Variants in CLEC1A observed in about 807,000 individuals in gnomAD.
The protein encoded by CLEC1A is C-type lectin domain family 1 member A, also known as C-type lectin-like receptor-1.
A neutral mutation model predicts 28.7 loss-of-function variants in CLEC1A; 34 were observed. The ratio of observed to expected loss-of-function variants is 1.18; its 90% CI spans 0.90 to 1.57. CLEC1A has a LOEUF of 1.57. Ranked by LOEUF, CLEC1A falls within the 40% of genes most tolerant of loss-of-function variation. The pLI is 0.00. For synonymous variants in CLEC1A, 116 were observed against 121.0 expected (o/e 0.96, Z 0.27); for missense variants, 385 against 339.5 (o/e 1.13, Z -1.05).
rs953547028 is a variant in CLEC1A at position 10,098,848 on chromosome 12, T to C, written c.75A>G (p.Gln25=). The change falls in exon 1 of 6, where the codon CAA becomes CAG. Residue 25 remains glutamine (Q), a synonymous_variant. Coordinates refer to ENST00000315330, the MANE Select transcript of CLEC1A (RefSeq NM_016511.4). Reference sequence around the variant, plus strand: ...CTGGATGCCGAGTTGTGGCAGAGCCTTGAGAATGCAGGCTCATGGTGGTGT... The same window carrying C: ...CTGGATGCCGAGTTGTGGCAGAGCCCTGAGAATGCAGGCTCATGGTGGTGT... ...DGDTTMSLHS[Q]GSATTRHPEP... The C allele has an allele frequency of 1.2e-6, 2 of 1,613,524 alleles. No homozygotes were observed.
Position 10,093,373 on chromosome 12 carries a change from G to GAAAAAA in CLEC1A, c.116-4157_116-4152dup, listed in dbSNP as rs3052137. Among the ~76,000 whole-genome samples the GAAAAAA allele has an allele frequency of 4.7e-4, 61 of 130,708 alleles. 1 individual carries two copies. Among genetic ancestry groups the GAAAAAA allele is most frequent in the Non-Finnish European group, 6.9e-4 (43 of 62,714 alleles). The allele number at this position is 130,708 out of a possible 152,430, so 85.7% of individuals were successfully genotyped here. A position where few individuals can be genotyped will look rare whatever the true frequency, so the allele number is the denominator to read the frequency against. The stretch of plus-strand genomic sequence containing the variant: ...CCCTAGGAATAATAAGATATATATA[G>GAAAAAA]AAAAAAAAAAAAAACCTTTCCTGTA... On this transcript the variant is annotated intron_variant, in intron 1 of 5. Transcript: ENST00000315330.
chr12:10,098,081 C>A (rs1591926612), intron 1 of CLEC1A, among the ~76,000 whole-genome samples: 1 of 150,490 alleles, frequency 6.6e-6, no homozygotes, highest in Non-Finnish European at 1.5e-5. Flanking sequence ...AAAGGTATAT[C>A]CAGATTTACA....
At chr12:10,083,239 T>C (rs1437071491) in intron 2 of CLEC1A, among the ~76,000 whole-genome samples, 3 of 152,166 alleles carry the variant, frequency 2.0e-5, no homozygotes, top group Admixed American at 6.5e-5. Context: ...ATCTTTTCAC[T>C]GAAATACCCA....
intron 3 of CLEC1A, among the ~76,000 whole-genome samples, chr12:10,079,626 C>T (rs1009804915): frequency 6.6e-6 from 1 of 151,824 alleles, no homozygotes; most frequent in African/African-American, 2.4e-5. Flanking sequence ...TCAAGACCAG[C>T]CTGGGCAACA....
chr12:10,093,514 G>T (rs1411707461), intron 1 of CLEC1A, among the ~76,000 whole-genome samples: 1 of 151,796 alleles, frequency 6.6e-6, no homozygotes, highest in Non-Finnish European at 1.5e-5. Context: ...GACTTAACCA[G>T]TTACCCTTCA....
At chr12:10,097,544 T>C (rs1352487729) in intron 1 of CLEC1A, among the ~76,000 whole-genome samples, 2 of 152,202 alleles carry the variant, frequency 1.3e-5, no homozygotes, top group Non-Finnish European at 2.9e-5. Context: ...TTCTACTGTT[T>C]CAATATCCAT....
intron 2 of CLEC1A, among the ~76,000 whole-genome samples, chr12:10,082,333 T>C (rs1866389894): frequency 6.6e-6 from 1 of 152,006 alleles, no homozygotes; most frequent in South Asian, 2.1e-4. Flanking sequence ...ATAAACTTCG[T>C]GGTGTTGGTG....
intron 1 of CLEC1A, among the ~76,000 whole-genome samples, chr12:10,093,885 A>T (rs7976945): frequency 0.76 from 114,914 of 151,982 alleles, 45,203 homozygotes; most frequent in Non-Finnish European, 0.88. Context: ...TCCTCATGGG[A>T]ATCTGAGTTC....
intron 2 of CLEC1A, among the ~76,000 whole-genome samples, chr12:10,087,912 T>C (rs1256600142): frequency 1.3e-5 from 2 of 152,058 alleles, no homozygotes; most frequent in Non-Finnish European, 2.9e-5. Flanking sequence ...GTTCCTAACT[T>C]CAGGAATAAA....
At chr12:10,096,500 T>C (rs1273050796) in intron 1 of CLEC1A, among the ~76,000 whole-genome samples, 1 of 152,158 alleles carries the variant, frequency 6.6e-6, no homozygotes, top group African/African-American at 2.4e-5. Flanking sequence ...ACCTTCAACT[T>C]ATCATTTCCA....
chr12:10,074,142 C>T (rs893775035), intron 4 of CLEC1A, among the ~76,000 whole-genome samples: 1 of 152,092 alleles, frequency 6.6e-6, no homozygotes, highest in Non-Finnish European at 1.5e-5. Flanking sequence ...GCAGCCTCAA[C>T]CTCCCCAGGC....
At chr12:10,090,115 G>C (rs1424101233) in intron 1 of CLEC1A, among the ~76,000 whole-genome samples, 7 of 152,156 alleles carry the variant, frequency 4.6e-5, no homozygotes, top group African/African-American at 1.4e-4. Context: ...AACAAAGAGA[G>C]AGTGAAACCC....
At chr12:10,088,345 C>T (rs2401614) in intron 2 of CLEC1A, among the ~76,000 whole-genome samples, 127,172 of 152,042 alleles carry the variant, frequency 0.84, 54,419 homozygotes, top group African/African-American at 0.9. Flanking sequence ...AAATATAAGA[C>T]ACAAACAGAA....
chr12:10,077,295 A>G (rs1413266391), intron 3 of CLEC1A, among the ~76,000 whole-genome samples: 1 of 152,196 alleles, frequency 6.6e-6, no homozygotes, highest in Non-Finnish European at 1.5e-5. Context: ...AGATTAGAAG[A>G]AATTCATTTC....
intron 1 of CLEC1A, among the ~76,000 whole-genome samples, chr12:10,098,576 T>C (rs987678815): frequency 2.0e-5 from 3 of 152,108 alleles, no homozygotes; most frequent in African/African-American, 4.8e-5. Context: ...ACTGAAGTCA[T>C]ATTTTAGCTT....
At chr12:10,095,663 G>A (rs915968285) in intron 1 of CLEC1A, among the ~76,000 whole-genome samples, 2 of 152,110 alleles carry the variant, frequency 1.3e-5, no homozygotes, top group Admixed American at 1.3e-4. Flanking sequence ...TTGATAAATT[G>A]TTAAATAATC....
chr12:10,077,342 T>C (rs1434378120), intron 3 of CLEC1A, among the ~76,000 whole-genome samples: 11 of 152,094 alleles, frequency 7.2e-5, no homozygotes, highest in Admixed American at 7.2e-4. Flanking sequence ...CAGACATAGA[T>C]ATAGATAGAT....
chr12:10,071,726 C>G (rs1866139836), intron 5 of CLEC1A, among the ~76,000 whole-genome samples: 1 of 152,192 alleles, frequency 6.6e-6, no homozygotes, highest in Non-Finnish European at 1.5e-5. Flanking sequence ...AAAACCATTT[C>G]TAACTAAAGC....
At chr12:10,073,460 C>T in intron 4 of CLEC1A, 49 bp from the exon 5 acceptor site, 1 of 1,426,266 alleles carries the variant, frequency 7.0e-7, no homozygotes, top group Non-Finnish European at 9.9e-7. Context: ...CATGATTACT[C>T]ACATGTACAG....
Sources: gnomAD v4.1 joint callset for allele counts (sites outside exome capture counted in the v4.1 genomes callset) on GRCh38, gnomAD v4.1.1 for gene constraint, MANE v1.5 for transcripts, NCBI Gene and HGNC (gene_info 2026-07-23, HGNC 2026-07-21) for gene names.